Variants in MYH4 observed in about 807,000 individuals in gnomAD.
MYH4 encodes the protein myosin heavy chain 4.
Under a neutral mutation model 229.9 loss-of-function variants are expected in MYH4, and 200 were observed. The ratio of observed to expected loss-of-function variants is 0.87; its 90% CI spans 0.78 to 0.98. The LOEUF (loss-of-function observed/expected upper bound fraction) is 0.98, where lower values mean the gene tolerates loss of function less well. MYH4 is among the 50% of genes least tolerant of loss of function. The pLI is 0.00. For missense variants in MYH4, 2,148 were observed against 2,332.6 expected (o/e 0.92, Z 1.63); for synonymous variants, 761 against 834.6 (o/e 0.91, Z 1.52).
chr17:10,465,967 G>A (rs1403904905), intron 4 of MYH4, among the ~76,000 whole-genome samples: 1 of 151,084 alleles, frequency 6.6e-6, no homozygotes, highest in Non-Finnish European at 1.5e-5. Flanking sequence ...GTAGAGACGG[G>A]GTTTCACCGT....
At chr17:10,453,060 C>T (rs187808769) in intron 24 of MYH4, 92 bp downstream of exon 24, 43 of 1,595,090 alleles carry the variant, frequency 2.7e-5, no homozygotes, top group Non-Finnish European at 2.3e-5. Flanking sequence ...ATTCACAGAC[C>T]AAGCGTTAAA....
chr17:10,459,124 C>A, intron 15 of MYH4, 127 bp downstream of exon 15: 1 of 1,474,702 alleles, frequency 6.8e-7, no homozygotes, highest in South Asian at 1.2e-5. Context: ...ACCTCACAAC[C>A]AATCAGAATA....
chr17:10,463,433 C>T (rs1039248026), intron 8 of MYH4, 32 bp from the exon 9 acceptor site: 1 of 1,596,220 alleles, frequency 6.3e-7, no homozygotes, highest in Non-Finnish European at 8.6e-7. Flanking sequence ...TTATTATACA[C>T]ATTAAAATCA....
intron 7 of MYH4, among the ~76,000 whole-genome samples, chr17:10,464,069 T>C (rs2072733026): frequency 6.6e-6 from 1 of 152,092 alleles, no homozygotes; most frequent in South Asian, 2.1e-4. Context: ...CATGGGTATA[T>C]TGCATGATAC....
rs1369741150 is a variant in MYH4 at position 10,447,130 on chromosome 17, C to A, written c.5052G>T (p.Leu1684=). Residue 1684 remains leucine (L), a synonymous_variant, in exon 35 of 40, where the codon CTG becomes CTT. Coordinates refer to ENST00000255381, the MANE Select transcript of MYH4 (RefSeq NM_017533.2). ...QLAMVERRAN[L]MQAEVEELRA... ...TGAGCTCTTCAACTTCAGCCTGCAT[C>A]AGGTTAGCTCTGCGCTCAACCATTG... is the stretch of plus-strand genomic sequence containing the variant. 6.2e-7 allele frequency: 1 copy of A among 1,614,014 alleles called. No individual in the cohort carries two copies. The highest frequency in any genetic ancestry group is 1.3e-5 in the African/African-American group (1 of 74,930).
intron 11 of MYH4, 55 bp downstream of exon 11, chr17:10,462,810 G>T: frequency 7.2e-7 from 1 of 1,389,730 alleles, no homozygotes; most frequent in Non-Finnish European, 1.0e-6. Flanking sequence ...ATAGAGGAGA[G>T]TGTTGTACAC....
At chr17:10,445,589 C>A (rs2072503352) in intron 35 of MYH4, among the ~76,000 whole-genome samples, 1 of 152,010 alleles carries the variant, frequency 6.6e-6, no homozygotes, top group Non-Finnish European at 1.5e-5. Context: ...CAACTATTAC[C>A]ATTGCCATTT....
In MYH4 at chr17:10,462,911, A is replaced by G; in HGVS notation, c.962T>C (p.Ile321Thr). 1.9e-6 allele frequency: 3 copies of G among 1,614,092 alleles called. No homozygotes were observed. The highest frequency in any genetic ancestry group is 1.7e-6 in the Non-Finnish European group (2 of 1,179,966). The change falls in exon 11 of 40, where the codon ATT (isoleucine) becomes ACT (threonine). Residue 321 changes from isoleucine to threonine, a missense_variant. Physicochemically the swap from Ile to Thr is moderately conservative, Grantham distance 89. Transcript: ENST00000255381. Reference protein sequence around the residue: ...YDFAFVSQGEITVPSIDDQEE... With the variant: ...YDFAFVSQGETTVPSIDDQEE... ...CTGGTCATCAATGCTGGGCACAGTA[A>G]TTTCCCCTTGGCTGACAAATGCGAA...
At chr17:10,448,172 T>A (rs758434060) in intron 33 of MYH4, 46 bp from the exon 34 acceptor site, 1 of 1,520,070 alleles carries the variant, frequency 6.6e-7, no homozygotes, top group Non-Finnish European at 8.9e-7. Flanking sequence ...GAGCTTTTTA[T>A]TTCTTTCACA....
intron 11 of MYH4, 69 bp downstream of exon 11, chr17:10,462,796 C>T (rs2072716409): frequency 1.5e-6 from 2 of 1,293,970 alleles, no homozygotes; most frequent in Non-Finnish European, 2.2e-6. Context: ...TGCTTTCCAC[C>T]CTAATAGAGG....
chr17:10,463,151 C>CTAAA lies in MYH4; in HGVS notation c.842_843insTTTA (p.Lys281AsnfsTer4). On this transcript the variant is annotated frameshift_variant, in exon 10 of 40. Coordinates refer to ENST00000255381, the MANE Select transcript of MYH4 (RefSeq NM_017533.2). LOFTEE classifies it high-confidence loss of function. ...AAAATATGTGGTAGCTTCTTTCAGC[C>CTAAA]TTTAGCTGAAAAGTAACTCGGGACT... 6.2e-7 allele frequency: 1 copy of CTAAA among 1,613,568 alleles called. No individual in the cohort carries two copies. Among genetic ancestry groups the CTAAA allele is most frequent in the Non-Finnish European group, 8.5e-7 (1 of 1,179,764 alleles).
chr17:10,465,631 A>T (rs1271188523), intron 4 of MYH4, 33 bp from the exon 5 acceptor site: 1 of 1,613,752 alleles, frequency 6.2e-7, no homozygotes, highest in East Asian at 2.2e-5. Flanking sequence ...TCGATCAGCA[A>T]TCACCTTGTT....
At chr17:10,451,263 G>A (rs900306911) in intron 28 of MYH4, 63 bp downstream of exon 28, 5 of 1,564,136 alleles carry the variant, frequency 3.2e-6, no homozygotes, top group African/African-American at 1.4e-5. Flanking sequence ...TATTTGATAG[G>A]TAGGTAAAGG....
intron 20 of MYH4, 35 bp downstream of exon 20, chr17:10,455,137 G>A: frequency 6.2e-7 from 1 of 1,614,096 alleles, no homozygotes; most frequent in African/African-American, 1.3e-5. Flanking sequence ...AAAAGTGATA[G>A]AATTATGACA....
At chr17:10,445,581 A>G (rs2072503272) in intron 35 of MYH4, among the ~76,000 whole-genome samples, 2 of 152,158 alleles carry the variant, frequency 1.3e-5, no homozygotes, top group Non-Finnish European at 1.5e-5. Context: ...AACATATTCA[A>G]CTATTACCAT....
chr17:10,448,594 A>G (rs2072538480), intron 32 of MYH4, 24 bp downstream of exon 32: 1 of 1,609,662 alleles, frequency 6.2e-7, no homozygotes, highest in African/African-American at 1.3e-5. Flanking sequence ...CCATTTTTGA[A>G]ATAGAATGAT....
At position 10,457,502 on chromosome 17, in the gene MYH4, A is replaced by G. The variant is rs1363745869; in HGVS notation, c.1815T>C (p.Asn605=). 1.2e-6 allele frequency: 2 copies of G among 1,613,846 alleles called. No individual in the cohort carries two copies. The highest frequency in any genetic ancestry group is 1.3e-5 in the African/African-American group (1 of 74,914). Residue 605 remains asparagine, a synonymous_variant, in exon 16 of 40, where the codon AAT becomes AAC. Transcript: ENST00000255381. ...GWLDKNKDPL[N]ETVVGLYQKS... is the part of the protein sequence containing the mutation. ...TCTGGTACAGCCCCACCACAGTCTC[A>G]TTCAGGGGGTCCTTGTTTTTGTCCA...
Position 10,447,160 on chromosome 17 carries a change from T to C in MYH4, c.5022A>G (p.Gln1674=). ...TAGCTCTGCGCTCAACCATTGCCAG[T>C]TGTTCCTTAAGGTCATCTTGGCCTC... ...AIRGQDDLKE[Q]LAMVERRANL... Residue 1674 remains glutamine (Q), a synonymous_variant, in exon 35 of 40, where the codon CAA becomes CAG. Transcript: ENST00000255381. 6.2e-7 allele frequency: 1 copy of C among 1,614,158 alleles called. No homozygotes were observed. Among genetic ancestry groups the C allele is most frequent in the Non-Finnish European group, 8.5e-7 (1 of 1,180,024 alleles).
At position 10,445,240 on chromosome 17, in the gene MYH4, A is replaced by G; in HGVS notation, c.5292T>C (p.Thr1764=). The change falls in exon 36 of 40, where the codon ACT becomes ACC. Residue 1764 remains threonine, a synonymous_variant. Transcript: ENST00000255381. ...GACAAATGCTCATCTTGCTTACATCAGTGATGGCCTTCTTGGCCTTCTCCT... is the reference window on the plus strand; with the variant it reads ...GACAAATGCTCATCTTGCTTACATCGGTGATGGCCTTCTTGGCCTTCTCCT... ...NAEEKAKKAI[T]DAAMMAEELK... is the part of the protein sequence containing the mutation. 1.2e-6 allele frequency: 2 copies of G among 1,614,192 alleles called. No homozygotes were observed. The highest frequency in any genetic ancestry group is 8.5e-7 in the Non-Finnish European group (1 of 1,180,018).
Sources: gnomAD v4.1 joint callset for allele counts (sites outside exome capture counted in the v4.1 genomes callset) on GRCh38, gnomAD v4.1.1 for gene constraint, MANE v1.5 for transcripts, NCBI Gene and HGNC (gene_info 2026-07-23, HGNC 2026-07-21) for gene names.